The following RBFOX1 variants were observed in gnomAD, a reference collection of about 807,000 sequenced individuals.
RBFOX1 encodes the protein RNA binding protein fox-1 homolog 1.
Under a neutral mutation model 57.7 loss-of-function variants are expected in RBFOX1, and 8 were observed. The ratio of observed to expected loss-of-function variants is 0.14; its 90% CI spans 0.08 to 0.25. The LOEUF is 0.25. Ranked by LOEUF, RBFOX1 falls within the 10% of genes least tolerant of loss-of-function variation. The pLI is 1.00. For synonymous variants in RBFOX1, 326 were observed against 222.4 expected, an observed-to-expected ratio of 1.47 and a Z score of -4.15; for missense variants, 611 against 548.5, an observed-to-expected ratio of 1.11 and a Z score of -1.14.
intron 1 of RBFOX1, among the ~76,000 whole-genome samples, chr16:5,314,419 G>T (rs1480357572): frequency 6.6e-6 from 1 of 152,222 alleles, no homozygotes; most frequent in East Asian, 1.9e-4. Flanking sequence ...GAGGGATCTG[G>T]GAGAAGCAGC....
chr16:5,537,962 A>T (rs1359061444), intron 2 of RBFOX1, among the ~76,000 whole-genome samples: 1 of 152,142 alleles, frequency 6.6e-6, no homozygotes, highest in Admixed American at 6.5e-5. Context: ...TTTTTCCCAC[A>T]CTCACTAGGA....
chr16:6,460,997 G>C (rs779296790), intron 2 of RBFOX1, among the ~76,000 whole-genome samples: 22 of 152,074 alleles, frequency 1.4e-4, no homozygotes, highest in Non-Finnish European at 2.4e-4. Flanking sequence ...GCAAACTAAA[G>C]CAAGAACAGA....
intron 7 of RBFOX1, among the ~76,000 whole-genome samples, chr16:7,590,073 C>G (rs1245391028): frequency 1.3e-5 from 2 of 151,950 alleles, no homozygotes; most frequent in Non-Finnish European, 2.9e-5. Flanking sequence ...CAAGACCAGC[C>G]TGGACAACAG....
At chr16:5,429,953 C>T (rs140982824) in intron 1 of RBFOX1, among the ~76,000 whole-genome samples, 13 of 152,300 alleles carry the variant, frequency 8.5e-5, no homozygotes, top group South Asian at 6.2e-4. Flanking sequence ...TTGTGGTGCA[C>T]TTCTTCATTT....
intron 4 of RBFOX1, among the ~76,000 whole-genome samples, chr16:7,504,432 A>C (rs2072081023): frequency 6.6e-6 from 1 of 151,694 alleles, no homozygotes; most frequent in African/African-American, 2.4e-5. Context: ...GACAACCTCT[A>C]ATTTTGCCTA....
intron 4 of RBFOX1, among the ~76,000 whole-genome samples, chr16:7,229,341 G>A (rs1037062237): frequency 3.3e-5 from 5 of 152,030 alleles, no homozygotes; most frequent in African/African-American, 4.8e-5. Flanking sequence ...GAAACTGCTC[G>A]GCTTTCCTTA....
intron 3 of RBFOX1, among the ~76,000 whole-genome samples, chr16:6,954,016 A>G (rs1366686733): frequency 6.6e-6 from 1 of 152,176 alleles, no homozygotes; most frequent in Non-Finnish European, 1.5e-5. Flanking sequence ...AAGACAAGGT[A>G]TTGAGCCAGG....
intron 3 of RBFOX1, among the ~76,000 whole-genome samples, chr16:7,006,159 TATTTTTTTTTGAG>T (rs2093280883): frequency 1.3e-5 from 2 of 152,100 alleles, no homozygotes; most frequent in African/African-American, 4.8e-5. Flanking sequence ...TTTATTTATT[TATTTTTTTTTGAG>T]ATGGAGTCTC....
At chr16:7,060,555 GA>G (rs1227945669) in intron 4 of RBFOX1, among the ~76,000 whole-genome samples, 13 of 152,154 alleles carry the variant, frequency 8.5e-5, no homozygotes. Flanking sequence ...TTAAAGAACA[GA>G]ATAGCTACAA....
chr16:6,165,890 A>T (rs114289195), intron 1 of RBFOX1, among the ~76,000 whole-genome samples: 106 of 152,320 alleles, frequency 7.0e-4, no homozygotes, highest in African/African-American at 2.4e-3. Context: ...GGGCCAATGC[A>T]TGAAAAAGAG....
chr16:6,104,806 C>G (rs752216528), intron 1 of RBFOX1, among the ~76,000 whole-genome samples: 9 of 152,136 alleles, frequency 5.9e-5, no homozygotes, highest in Non-Finnish European at 8.8e-5. Context: ...ACATTATGCA[C>G]ATATTATGCA....
intron 3 of RBFOX1, among the ~76,000 whole-genome samples, chr16:6,924,837 C>A (rs1179254226): frequency 2.9e-5 from 4 of 138,648 alleles, no homozygotes; most frequent in African/African-American, 1.1e-4. Context: ...CCCCCTCCCC[C>A]TCCCCCTACC....
chr16:7,397,408 C>G (rs900853267), intron 4 of RBFOX1, among the ~76,000 whole-genome samples: 1 of 152,188 alleles, frequency 6.6e-6, no homozygotes, highest in Non-Finnish European at 1.5e-5. Flanking sequence ...AGCACCAGGT[C>G]TCCAGTTGAG....
At chr16:7,066,467 A>G (rs1026672425) in intron 4 of RBFOX1, among the ~76,000 whole-genome samples, 10 of 152,180 alleles carry the variant, frequency 6.6e-5, no homozygotes, top group African/African-American at 2.2e-4. Context: ...GGATCCAACT[A>G]TGACAGGTGG....
chr16:6,981,962 A>C (rs1030755682), intron 3 of RBFOX1, among the ~76,000 whole-genome samples: 8 of 152,208 alleles, frequency 5.3e-5, no homozygotes, highest in Non-Finnish European at 1.0e-4. Context: ...TTTTATTGGC[A>C]CATGAAAATA....
intron 1 of RBFOX1, among the ~76,000 whole-genome samples, chr16:5,285,055 A>G (rs536623474): frequency 5.3e-5 from 8 of 152,088 alleles, no homozygotes; most frequent in African/African-American, 1.7e-4. Flanking sequence ...TAGGTTTTCT[A>G]TGCCTTTACC....
intron 2 of RBFOX1, among the ~76,000 whole-genome samples, chr16:6,376,505 G>T (rs1271415334): frequency 6.6e-6 from 1 of 152,128 alleles, no homozygotes; most frequent in Admixed American, 6.5e-5. Context: ...GCATTCCCTG[G>T]CATTCTGCGG....
rs190985709 is a variant in RBFOX1, at chr16:6,913,491, A to C, written c.-15-138566A>C. Among the ~76,000 whole-genome samples the C allele has an allele frequency of 1.9e-4, 29 of 152,088 alleles. No individual in the cohort carries two copies. In the East Asian group the frequency reaches 5.5e-3, roughly 29 times the overall value. On this transcript the variant is annotated intron_variant, in intron 3 of 15. Transcript: ENST00000550418. Reference sequence around the variant, plus strand: ...CCATCGGCCTTCTTCACACCCCCACAACCCTCGGCCCCATCATCTGCAGTG... The same window carrying C: ...CCATCGGCCTTCTTCACACCCCCACCACCCTCGGCCCCATCATCTGCAGTG...
In RBFOX1 at chr16:6,350,996, C is replaced by G. The variant is rs549345073; in HGVS notation, c.-64+33939C>G. ...CCACAGGCAGTGGGCACTTGGCTGACAAGTAGCAACTTGTGCAAAGTTGTG... is the reference window on the plus strand; with the variant it reads ...CCACAGGCAGTGGGCACTTGGCTGAGAAGTAGCAACTTGTGCAAAGTTGTG... On this transcript the variant is annotated intron_variant, in intron 2 of 15. Coordinates refer to ENST00000550418, the MANE Select transcript of RBFOX1 (RefSeq NM_018723.4). Among the ~76,000 whole-genome samples the G allele has an allele frequency of 2.6e-5, 4 of 152,274 alleles. No homozygotes were observed. The South Asian group carries it at 8.3e-4, about 32-fold the overall frequency.
Sources: gnomAD v4.1 joint callset for allele counts (sites outside exome capture counted in the v4.1 genomes callset) on GRCh38, gnomAD v4.1.1 for gene constraint, MANE v1.5 for transcripts, NCBI Gene and HGNC (gene_info 2026-07-23, HGNC 2026-07-21) for gene names.